Variants in WHRN observed in about 807,000 individuals in gnomAD.
WHRN encodes the protein CASK-interacting protein CIP98.
Under a neutral mutation model 68.3 loss-of-function variants are expected in WHRN, and 41 were observed. That is an observed-to-expected ratio of 0.60 (90% CI 0.47 to 0.78). The LOEUF (loss-of-function observed/expected upper bound fraction) is 0.78. Ranked by LOEUF, WHRN falls within the 30% of genes least tolerant of loss-of-function variation. The pLI, the probability that WHRN is intolerant of heterozygous loss-of-function variation, is 0.00. For synonymous variants in WHRN, 560 were observed against 561.3 expected, an observed-to-expected ratio of 1.00 and a Z score of 0.03; for missense variants, 1,243 against 1,244.7, an observed-to-expected ratio of 1.00 and a Z score of 0.02.
At chr9:114,426,158 C>G in intron 4 of WHRN, 53 bp downstream of exon 4, 2 of 1,610,126 alleles carry the variant, frequency 1.2e-6, no homozygotes, top group Non-Finnish European at 8.5e-7. Context: ...CTATCACTGG[C>G]TTTCAGAAAT....
At chr9:114,410,939 G>T (rs981358016) in intron 7 of WHRN, among the ~76,000 whole-genome samples, 9 of 152,214 alleles carry the variant, frequency 5.9e-5, no homozygotes, top group Non-Finnish European at 1.2e-4. Context: ...CTCACACCCA[G>T]TTCTGCCGCT....
chr9:114,444,609 AG>A (rs1323285294), intron 3 of WHRN, among the ~76,000 whole-genome samples: 4 of 152,090 alleles, frequency 2.6e-5, no homozygotes, highest in Non-Finnish European at 5.9e-5. Flanking sequence ...CTAAAGCCCC[AG>A]GATCAGTTTC....
Position 114,504,426 on chromosome 9 carries a change from C to A in WHRN, c.376G>T (p.Ala126Ser). Residue 126 changes from alanine (A) to serine (S), a missense_variant, in exon 1 of 12, where the codon GCC (alanine) becomes TCC (serine). Ala to Ser is a moderately conservative substitution (Grantham distance 99). Transcript: ENST00000362057. ...LPATTPYRQP[A>S]WGGPDSAGPG... is the part of the protein sequence containing the mutation. ...CCCGCGCTGTCGGGGCCGCCCCAGG[C>A]GGGCTGCCTGTAGGGGGTGGTGGCG... 1.0e-5 allele frequency: 16 copies of A among 1,606,444 alleles called. No individual in the cohort carries two copies. Among genetic ancestry groups the A allele is most frequent in the Non-Finnish European group, 1.4e-5 (16 of 1,179,410 alleles).
At chr9:114,424,726 T>A (rs747733485) in intron 5 of WHRN, among the ~76,000 whole-genome samples, 180 bp from the exon 6 acceptor site, 18 of 152,192 alleles carry the variant, frequency 1.2e-4, no homozygotes, top group Non-Finnish European at 2.4e-4. Flanking sequence ...ATTTGTTTTG[T>A]CTTTACATCT....
chr9:114,484,088 A>G (rs1842300996), intron 1 of WHRN, among the ~76,000 whole-genome samples: 1 of 152,208 alleles, frequency 6.6e-6, no homozygotes, highest in South Asian at 2.1e-4. Context: ...GAGGTTCCAC[A>G]GGGTTTAAGA....
chr9:114,448,613 C>T (rs1564166330), intron 3 of WHRN, among the ~76,000 whole-genome samples: 1 of 152,178 alleles, frequency 6.6e-6, no homozygotes, highest in African/African-American at 2.4e-5. Flanking sequence ...CCACTCACCT[C>T]TCTCCCAGCA....
intron 2 of WHRN, among the ~76,000 whole-genome samples, chr9:114,472,546 C>A (rs1841323455): frequency 6.6e-6 from 1 of 152,128 alleles, no homozygotes; most frequent in Admixed American, 6.5e-5. Flanking sequence ...CCTCCCATGC[C>A]CTTTCCTTGC....
intron 5 of WHRN, 99 bp from the exon 6 acceptor site, chr9:114,424,645 G>A (rs1415187153): frequency 1.5e-6 from 2 of 1,318,638 alleles, no homozygotes; most frequent in African/African-American, 2.9e-5. Context: ...TCTAAGTGTG[G>A]TGTTTCATCT....
At chr9:114,481,837 C>T (rs915630920) in intron 1 of WHRN, among the ~76,000 whole-genome samples, 1 of 152,152 alleles carries the variant, frequency 6.6e-6, no homozygotes, top group African/African-American at 2.4e-5. Context: ...TCACCCAGCA[C>T]ACATCAGGTC....
At chr9:114,434,310 T>G (rs936736478) in intron 3 of WHRN, among the ~76,000 whole-genome samples, 3 of 152,208 alleles carry the variant, frequency 2.0e-5, no homozygotes, top group African/African-American at 7.2e-5. Flanking sequence ...AGAGTGGGAT[T>G]TGAAGCCAAA....
intron 7 of WHRN, among the ~76,000 whole-genome samples, chr9:114,420,933 T>C (rs1314995685): frequency 1.3e-5 from 2 of 151,938 alleles, no homozygotes; most frequent in Middle Eastern, 3.2e-3. Context: ...CAAGTGCCCC[T>C]TCCACGCTGC....
intron 1 of WHRN, among the ~76,000 whole-genome samples, chr9:114,495,104 T>C (rs1210568730): frequency 6.6e-6 from 1 of 152,206 alleles, no homozygotes; most frequent in Admixed American, 6.5e-5. Context: ...TGTTGCTTGC[T>C]TGGCCAAGAG....
chr9:114,451,841 A>T (rs1291053828), intron 3 of WHRN, among the ~76,000 whole-genome samples: 9 of 152,198 alleles, frequency 5.9e-5, no homozygotes. Context: ...TCTTCCTATT[A>T]ACTGTGTGAC....
intron 1 of WHRN, among the ~76,000 whole-genome samples, chr9:114,494,226 G>A (rs1029097441): frequency 2.6e-5 from 4 of 152,192 alleles, no homozygotes; most frequent in African/African-American, 4.8e-5. Context: ...CATCTTGTGC[G>A]TGTTATCTGT....
chr9:114,451,151 G>A (rs933895472), intron 3 of WHRN, among the ~76,000 whole-genome samples: 7 of 152,182 alleles, frequency 4.6e-5, no homozygotes, highest in Non-Finnish European at 1.0e-4. Context: ...ACTGGATTTG[G>A]GGTCAGAAAA....
At chr9:114,404,351 T>C (rs1246755223) in intron 9 of WHRN, among the ~76,000 whole-genome samples, 1 of 152,258 alleles carries the variant, frequency 6.6e-6, no homozygotes, top group Non-Finnish European at 1.5e-5. Flanking sequence ...GCCACTGGCA[T>C]AATGATAAAA....
At chr9:114,474,426 C>A (rs1476380897) in intron 2 of WHRN, among the ~76,000 whole-genome samples, 1 of 152,084 alleles carries the variant, frequency 6.6e-6, no homozygotes, top group African/African-American at 2.4e-5. Flanking sequence ...AAAAAAGTGT[C>A]CCCCACCCAC....
intron 3 of WHRN, among the ~76,000 whole-genome samples, chr9:114,432,868 G>C (rs1314666200): frequency 6.6e-6 from 1 of 152,098 alleles, no homozygotes; most frequent in African/African-American, 2.4e-5. Context: ...TTCACCTGTT[G>C]ATCACTCACC....
At position 114,478,564 on chromosome 9, in the gene WHRN, C is replaced by T. The variant is rs1261334451; in HGVS notation, c.826G>A (p.Asp276Asn). 3 of 1,613,992 alleles carry T rather than the reference C, an allele frequency of 1.9e-6. No homozygotes were observed. Among genetic ancestry groups the T allele is most frequent in the African/African-American group, 2.7e-5 (2 of 74,928 alleles). Reference sequence around the variant, plus strand: ...CCCACCCCACTCACCTTTTTCTCATCCCCTCCTTGCAGGAGGTGCAGGGTG... The same window carrying T: ...CCCACCCCACTCACCTTTTTCTCATTCCCTCCTTGCAGGAGGTGCAGGGTG... ...RSTLHLLQGGDEKKVNLVLGD... is the reference protein window; with the variant it reads ...RSTLHLLQGGNEKKVNLVLGD... The change falls in exon 2 of 12, where the codon GAT becomes AAT. Residue 276 changes from aspartate (D) to asparagine (N), a missense_variant. Physicochemically the swap from Asp to Asn is conservative, Grantham distance 23. Transcript: ENST00000362057.
Sources: gnomAD v4.1 joint callset for allele counts (sites outside exome capture counted in the v4.1 genomes callset) on GRCh38, gnomAD v4.1.1 for gene constraint, MANE v1.5 for transcripts, NCBI Gene and HGNC (gene_info 2026-07-23, HGNC 2026-07-21) for gene names.